The following NEK10 variants were observed in gnomAD, a reference collection of about 807,000 sequenced individuals.
NEK10 encodes the protein serine/threonine-protein kinase Nek10.
NEK10 carries 122 observed loss-of-function variants against 159.8 expected under a neutral mutation model. The observed-to-expected ratio is 0.76, with a 90% CI of 0.66 to 0.89. The LOEUF (loss-of-function observed/expected upper bound fraction) is 0.89, where lower values mean the gene tolerates loss of function less well. Ranked by LOEUF, NEK10 falls within the 40% of genes least tolerant of loss-of-function variation. The pLI, the probability that NEK10 is intolerant of heterozygous loss-of-function variation, is 0.00. For synonymous variants in NEK10, 466 were observed against 457.1 expected, an observed-to-expected ratio of 1.02 and a Z score of -0.25; for missense variants, 1,342 against 1,323.1, an observed-to-expected ratio of 1.01 and a Z score of -0.22.
At chr3:27,310,821 T>C in intron 9 of NEK10, 128 bp downstream of exon 9, 2 of 549,886 alleles carry the variant, frequency 3.6e-6, no homozygotes, top group African/African-American at 3.8e-5. Context: ...AGATCCACAA[T>C]CTCAGGCCAG....
At chr3:27,312,727 C>A (rs1427515824) in intron 7 of NEK10, among the ~76,000 whole-genome samples, 2 of 152,004 alleles carry the variant, frequency 1.3e-5, no homozygotes, top group African/African-American at 4.8e-5. Flanking sequence ...CAGGTAATTT[C>A]TAATATTATA....
intron 22 of NEK10, among the ~76,000 whole-genome samples, chr3:27,263,623 G>A (rs1272397816): frequency 2.0e-5 from 3 of 152,288 alleles, no homozygotes; most frequent in Non-Finnish European, 2.9e-5. Flanking sequence ...AGCCAGGCAC[G>A]GGATATAATC....
rs529515966 is a variant in NEK10, at chr3:27,199,864, A to G, written c.2291+1646T>C. Among the ~76,000 whole-genome samples the G allele has an allele frequency of 2.0e-5, 3 of 152,106 alleles. No individual in the cohort carries two copies. In the East Asian group the frequency reaches 6.0e-4, roughly 30 times the overall value. On this transcript the variant is annotated intron_variant, in intron 25 of 35. Transcript: ENST00000691995. ...TTAGCAAACTAATGCAGGAACAGAA[A>G]ACCAAATACTACATGTTTTCACTTG... is the stretch of plus-strand genomic sequence containing the variant.
chr3:27,322,022 T>A (rs1285784363), intron 6 of NEK10, among the ~76,000 whole-genome samples, 155 bp downstream of exon 6: 1 of 152,152 alleles, frequency 6.6e-6, no homozygotes, highest in Non-Finnish European at 1.5e-5. Context: ...CAAATCTTTT[T>A]AAATAGTAGA....
At chr3:27,293,534 C>A (rs878920803) in intron 16 of NEK10, 54 bp downstream of exon 16, 2 of 921,736 alleles carry the variant, frequency 2.2e-6, no homozygotes, top group South Asian at 3.2e-5. Flanking sequence ...GAAAACAGTT[C>A]AATCTAATGA....
chr3:27,324,356 T>G (rs2045866943), intron 5 of NEK10, among the ~76,000 whole-genome samples: 1 of 152,212 alleles, frequency 6.6e-6, no homozygotes, highest in Non-Finnish European at 1.5e-5. Context: ...GAGCCCAGAC[T>G]GAAACTAGAA....
chr3:27,280,914 T>A (rs186619911), intron 22 of NEK10, among the ~76,000 whole-genome samples: 2 of 124,668 alleles, frequency 1.6e-5, no homozygotes, highest in East Asian at 4.5e-4. Flanking sequence ...GTACATATGG[T>A]GTGTGTGTGT....
In NEK10 at chr3:27,367,320, T is replaced by A. The variant is rs73055754; in HGVS notation, c.-38+1905A>T. Among the ~76,000 whole-genome samples, 3 of 152,152 alleles carry A rather than the reference T, an allele frequency of 2.0e-5. No homozygotes were observed. In the South Asian group the frequency reaches 6.2e-4, roughly 32 times the overall value. On this transcript the variant is annotated intron_variant, in intron 1 of 35. Coordinates refer to ENST00000691995, the MANE Select transcript of NEK10 (RefSeq NM_001394966.1). ...GAGCTAGGATTCAAACCCATGTATG[T>A]ATGACTCCAAAGCTTAGCTCTTGCA...
intron 30 of NEK10, among the ~76,000 whole-genome samples, chr3:27,142,422 T>G (rs1241552308): frequency 6.6e-6 from 1 of 152,078 alleles, no homozygotes; most frequent in Non-Finnish European, 1.5e-5. Context: ...CTTCCTTCCT[T>G]TCTCTTCCTT....
In NEK10 at chr3:27,346,113, G is replaced by A. The variant is rs1184718732; in HGVS notation, c.236C>T (p.Thr79Ile). 1 of 1,613,618 alleles carries A rather than the reference G, an allele frequency of 6.2e-7. No individual in the cohort carries two copies. Among genetic ancestry groups the A allele is most frequent in the East Asian group, 2.2e-5 (1 of 44,892 alleles). ...HRARGQWHES[T>I]EAVELENFSI... ...AAAATTTTCAAGTTCAACAGCTTCT[G>A]TGGATTCATGCCACTGACCCCGAGC... The change falls in exon 4 of 36, where the codon ACA becomes ATA. Residue 79 changes from threonine (T) to isoleucine (I), a missense_variant. By Grantham distance (89) the Thr-to-Ile change is moderately conservative. Coordinates refer to ENST00000691995, the MANE Select transcript of NEK10 (RefSeq NM_001394966.1).
chr3:27,229,608 A>G (rs1032993096), intron 23 of NEK10, among the ~76,000 whole-genome samples: 2 of 152,152 alleles, frequency 1.3e-5, no homozygotes, highest in African/African-American at 4.8e-5. Flanking sequence ...AAACCAACAT[A>G]AAGAAATTTT....
chr3:27,200,650 C>T (rs1949965045), intron 25 of NEK10, among the ~76,000 whole-genome samples: 3 of 152,044 alleles, frequency 2.0e-5, no homozygotes, highest in Admixed American at 1.3e-4. Context: ...AAGAGACAGA[C>T]GATAAACAAA....
chr3:27,252,261 C>A (rs965682775), intron 23 of NEK10: 6 of 492,276 alleles, frequency 1.2e-5, no homozygotes, highest in African/African-American at 1.2e-4. Context: ...AGGGAGGTTG[C>A]TATTTGGGGC....
rs990854645 is a variant in NEK10, at chr3:27,326,803, T to G, written c.363-4542A>C. The stretch of plus-strand genomic sequence containing the variant: ...GGTGTCTGAGTCCTCTGGCTTCTCA[T>G]CTCTTTGCGCTGACCTCTGAAAGAG... On this transcript the variant is annotated intron_variant, in intron 5 of 35. Transcript: ENST00000691995. Among the ~76,000 whole-genome samples the G allele has an allele frequency of 2.6e-5, 4 of 152,196 alleles. No individual in the cohort carries two copies. In the East Asian group the frequency reaches 7.7e-4, roughly 29 times the overall value.
At chr3:27,312,053 T>C in intron 8 of NEK10, 46 bp downstream of exon 8, 1 of 1,255,952 alleles carries the variant, frequency 8.0e-7, no homozygotes, top group Non-Finnish European at 1.2e-6. Context: ...TACTGCTTTT[T>C]CTAGCAAGTC....
At chr3:27,113,641 TA>T (rs1366170489) in intron 35 of NEK10, among the ~76,000 whole-genome samples, 10 of 152,180 alleles carry the variant, frequency 6.6e-5, no homozygotes, top group African/African-American at 2.4e-4. Flanking sequence ...GCCTTTGTTA[TA>T]AGGCATCTTA....
At chr3:27,308,388 T>C (rs1411656171) in intron 10 of NEK10, among the ~76,000 whole-genome samples, 2 of 152,194 alleles carry the variant, frequency 1.3e-5, no homozygotes, top group Non-Finnish European at 2.9e-5. Context: ...CATATAAATT[T>C]ATTTATTTAA....
chr3:27,312,042 A>G (rs751875483), intron 8 of NEK10, 57 bp downstream of exon 8: 1 of 1,088,160 alleles, frequency 9.2e-7, no homozygotes, highest in Non-Finnish European at 1.4e-6. Flanking sequence ...TGCAAACACC[A>G]TACTGCTTTT....
At chr3:27,258,571 G>A (rs13063461) in intron 22 of NEK10, among the ~76,000 whole-genome samples, 6,207 of 152,202 alleles carry the variant, frequency 0.041, 182 homozygotes, top group African/African-American at 0.074. Flanking sequence ...TGGCTGCATA[G>A]TATTCCATGG....
Sources: allele counts gnomAD v4.1 joint callset (sites outside exome capture counted in the v4.1 genomes callset), GRCh38; gene constraint gnomAD v4.1.1; transcripts MANE v1.5; gene names NCBI Gene and HGNC (gene_info 2026-07-23, HGNC 2026-07-21).